The following WDR62 variants were observed in gnomAD, a reference collection of about 807,000 sequenced individuals.
WDR62 encodes the protein WD repeat-containing protein 62.
Under a neutral mutation model 160.6 loss-of-function variants are expected in WDR62, and 112 were observed. The ratio of observed to expected loss-of-function variants is 0.70; its 90% CI spans 0.60 to 0.82. The LOEUF is 0.82. WDR62 is among the 40% of genes least tolerant of loss of function. The pLI, the probability that WDR62 is intolerant of heterozygous loss-of-function variation, is 0.00. For missense variants in WDR62, 1,819 were observed against 1,983.8 expected (o/e 0.92, Z 1.58); for synonymous variants, 792 against 815.1 (o/e 0.97, Z 0.48).
At chr19:36,084,253 C>T (rs1193282980) in intron 11 of WDR62, among the ~76,000 whole-genome samples, 1 of 152,138 alleles carries the variant, frequency 6.6e-6, no homozygotes, top group Non-Finnish European at 1.5e-5. Flanking sequence ...ACTCTTTTAA[C>T]AATGAGAGAC....
At chr19:36,099,024 C>A (rs1973151723) in intron 21 of WDR62, among the ~76,000 whole-genome samples, 1 of 152,026 alleles carries the variant, frequency 6.6e-6, no homozygotes, top group African/African-American at 2.4e-5. Context: ...CAGTTTGAGA[C>A]CAGCCTGGCC....
chr19:36,066,248 C>T lies in WDR62; in HGVS notation c.391-9C>T. ...AGCCCAGCAGCAGTAACGACCCCACCTTCCCTAGAATGGGCATAGGCCTGC... is the reference window on the plus strand; with the variant it reads ...AGCCCAGCAGCAGTAACGACCCCACTTTCCCTAGAATGGGCATAGGCCTGC... On this transcript the variant is annotated splice_polypyrimidine_tract_variant and intron_variant, in intron 4 of 31. Coordinates refer to ENST00000401500, the MANE Select transcript of WDR62 (RefSeq NM_001083961.2). The T allele has an allele frequency of 2.5e-6, 4 of 1,614,112 alleles. No individual in the cohort carries two copies. The highest frequency in any genetic ancestry group is 3.4e-6 in the Non-Finnish European group (4 of 1,180,034).
At chr19:36,082,057 G>T (rs1446403047) in intron 10 of WDR62, 5 of 357,736 alleles carry the variant, frequency 1.4e-5, no homozygotes, top group Non-Finnish European at 2.8e-5. Flanking sequence ...CGTCTCTGGG[G>T]AGCTGAGACC....
Position 36,093,614 on chromosome 19 carries a change from C to CT in WDR62, c.2334-413dup, listed in dbSNP as rs1299307531. ...CTGAGGTGGTGTTAGAGATATCTTG[C>CT]TTTTGAGGCTCCCACTCCACCCCCA... On this transcript the variant is annotated intron_variant, in intron 19 of 31. Transcript: ENST00000401500. Among the ~76,000 whole-genome samples, 11 of 152,240 alleles carry CT rather than the reference C, an allele frequency of 7.2e-5. No individual in the cohort carries two copies. In the East Asian group the frequency reaches 1.9e-3, roughly 27 times the overall value.
intron 3 of WDR62, 143 bp downstream of exon 3, chr19:36,060,173 G>A: frequency 1.2e-6 from 1 of 826,502 alleles, no homozygotes; most frequent in Non-Finnish European, 2.0e-6. Flanking sequence ...CCTGTGCTGG[G>A]TGCTGTTCCG....
At chr19:36,085,272 T>C (rs578246004) in intron 12 of WDR62, among the ~76,000 whole-genome samples, 1 of 151,992 alleles carries the variant, frequency 6.6e-6, no homozygotes, top group East Asian at 1.9e-4. Context: ...CCTGCTGCCA[T>C]GCCTGGCCAA....
intron 7 of WDR62, among the ~76,000 whole-genome samples, chr19:36,069,496 C>T (rs981105829): frequency 6.6e-6 from 1 of 151,836 alleles, no homozygotes; most frequent in Non-Finnish European, 1.5e-5. Context: ...AGGCGCTCCT[C>T]ACTTCCCAGA....
chr19:36,104,564 C>G lies in WDR62; in HGVS notation c.4200C>G (p.Pro1400=). The change falls in exon 31 of 32, where the codon CCC becomes CCG. Residue 1400 remains proline (P), a synonymous_variant. Transcript: ENST00000401500. ...LQGSPARWSE[P]WVPVEALPPS... ...GCAGCCCTGCCCGCTGGAGTGAGCC[C>G]TGGGTGCCGGTTGAAGCCCTGCCCC... The G allele has an allele frequency of 6.2e-7, 1 of 1,613,752 alleles. No homozygotes were observed. The highest frequency in any genetic ancestry group is 1.3e-5 in the African/African-American group (1 of 75,018).
chr19:36,062,638 A>G (rs1338913705), intron 3 of WDR62: 2 of 127,888 alleles, frequency 1.6e-5, no homozygotes, highest in Non-Finnish European at 3.2e-5. Context: ...TGACAGAGCA[A>G]GAGTCCGTCT....
At position 36,054,945 on chromosome 19, in the gene WDR62, T is replaced by C; in HGVS notation, c.-27T>C. On this transcript the variant is annotated 5_prime_UTR_variant, in exon 1 of 32. It removes the in-frame stop codon of an upstream open reading frame in the 5' UTR. Transcript: ENST00000401500. ...TGGCGGCAGCGGCGGTTAGGGGATG[T>C]AACGGTCGCCCGCCTCCGGCGTGAC... 1 of 1,564,142 alleles carries C rather than the reference T, an allele frequency of 6.4e-7. No individual in the cohort carries two copies. Among genetic ancestry groups the C allele is most frequent in the Non-Finnish European group, 8.7e-7 (1 of 1,156,010 alleles).
rs1301404126 is a variant in WDR62 at position 36,104,801 on chromosome 19, C to T, written c.4345C>T (p.Gln1449Ter). ...VSSGQVDTGQQQARTELVSTF... is the reference protein window; with the variant it reads ...VSSGQVDTGQ ...CAGTGGCCAGGTGGACACCGGGCAG[C>T]AGCAGGCACGGACTGAGCTGGTCTC... The change falls in exon 32 of 32, where the codon CAG becomes TAG. Residue 1449 changes from glutamine (Q) to a stop codon, truncating the protein, a stop_gained. Transcript: ENST00000401500. LOFTEE classifies it low-confidence loss of function (END_TRUNC). The T allele has an allele frequency of 2.5e-6, 4 of 1,613,688 alleles. No homozygotes were observed. Among genetic ancestry groups the T allele is most frequent in the Non-Finnish European group, 3.4e-6 (4 of 1,180,024 alleles).
rs981680612 is a variant in WDR62, at chr19:36,066,503, A to G, written c.561+76A>G. 5 of 1,502,442 alleles carry G rather than the reference A, an allele frequency of 3.3e-6. No homozygotes were observed. In the African/African-American group the frequency reaches 4.1e-5, roughly 12 times the overall value. 93.1% of individuals were successfully genotyped at this position (1,502,442 alleles called of 1,614,324 possible). A position where few individuals can be genotyped will look rare whatever the true frequency, so the allele number is the denominator to read the frequency against. On this transcript the variant is annotated intron_variant, in intron 5 of 31. Transcript: ENST00000401500. The stretch of plus-strand genomic sequence containing the variant: ...CTATGTCTTGGGCACAGGGAGAGCT[A>G]CATGAGAGGACGCAGTAAAGTGCTC...
chr19:36,095,568 T>C (rs1599829428), intron 20 of WDR62, among the ~76,000 whole-genome samples: 1 of 152,132 alleles, frequency 6.6e-6, no homozygotes, highest in South Asian at 2.1e-4. Context: ...CCGAGGCGGG[T>C]GGATCACCTG....
chr19:36,104,041 C>T (rs975759184), intron 30 of WDR62, 60 bp downstream of exon 30: 75 of 1,590,226 alleles, frequency 4.7e-5, no homozygotes, highest in Non-Finnish European at 6.0e-5. Context: ...CTAGTTGGCT[C>T]AGCTCCAAAG....
Position 36,068,691 on chromosome 19 carries a change from C to T in WDR62, c.882+681C>T, listed in dbSNP as rs1032953605. Among the ~76,000 whole-genome samples the T allele has an allele frequency of 5.1e-4, 77 of 152,368 alleles. 2 individuals carry two copies. Among genetic ancestry groups the T allele is most frequent in the Middle Eastern group, 3.4e-3 (1 of 294 alleles). On this transcript the variant is annotated intron_variant, in intron 7 of 31. Coordinates refer to ENST00000401500, the MANE Select transcript of WDR62 (RefSeq NM_001083961.2). ...GGTTGGGGGTAAGGTCATAGATCAACAGCATCCCAAGGCAGAAGAATTTTT... is the reference window on the plus strand; with the variant it reads ...GGTTGGGGGTAAGGTCATAGATCAATAGCATCCCAAGGCAGAAGAATTTTT...
At position 36,086,199 on chromosome 19, in the gene WDR62, A is replaced by T. The variant is rs143750311; in HGVS notation, c.1643-488A>T. On this transcript the variant is annotated intron_variant, in intron 12 of 31. Coordinates refer to ENST00000401500, the MANE Select transcript of WDR62 (RefSeq NM_001083961.2). ...TCTCCCCTCTGCCTCAGGTCATGTT[A>T]TTAGGCCTCAGACATAGCAAGTGAC... Among the ~76,000 whole-genome samples the T allele has an allele frequency of 2.0e-4, 30 of 152,146 alleles. 1 individual carries two copies. In the East Asian group the frequency reaches 5.6e-3, roughly 29 times the overall value.
intron 12 of WDR62, among the ~76,000 whole-genome samples, chr19:36,085,602 CCGG>C (rs1972179156): frequency 6.6e-6 from 1 of 151,752 alleles, no homozygotes; most frequent in African/African-American, 2.4e-5. Flanking sequence ...CCCACCACAC[CCGG>C]CTAATTTTTG....
chr19:36,103,517 G>A lies in WDR62; in HGVS notation c.3689G>A (p.Arg1230His), dbSNP rs535411065. The change falls in exon 30 of 32, where the codon CGC becomes CAC. Residue 1230 changes from arginine to histidine, a missense_variant. By Grantham distance (29) the Arg-to-His change is conservative. Coordinates refer to ENST00000401500, the MANE Select transcript of WDR62 (RefSeq NM_001083961.2). ...ATASSRARISRSISLGDSEGP... is the reference protein window; with the variant it reads ...ATASSRARISHSISLGDSEGP... ...GCCAGCTCCCGTGCCAGGATATCAC[G>A]CAGCATCTCCCTCGGTGACAGTGAG... 5 of 1,614,098 alleles carry A rather than the reference G, an allele frequency of 3.1e-6. No individual in the cohort carries two copies. Among genetic ancestry groups the A allele is most frequent in the Admixed American group, 1.7e-5 (1 of 60,026 alleles).
At position 36,101,742 on chromosome 19, in the gene WDR62, C is replaced by T. The variant is rs1458480400; in HGVS notation, c.3050C>T (p.Pro1017Leu). ...HSPAPPPDPAPRFATSLPHFP... is the reference protein window; with the variant it reads ...HSPAPPPDPALRFATSLPHFP... Reference sequence around the variant, plus strand: ...CCAGCTCCGCCTCCTGACCCTGCCCCTCGGTTTGCCACGTCGCTGCCCCAT... The same window carrying T: ...CCAGCTCCGCCTCCTGACCCTGCCCTTCGGTTTGCCACGTCGCTGCCCCAT... The change falls in exon 25 of 32, where the codon CCT (proline) becomes CTT (leucine). Residue 1017 changes from proline to leucine, a missense_variant. By Grantham distance (98) the Pro-to-Leu change is moderately conservative. Transcript: ENST00000401500. 1 of 1,552,010 alleles carries T rather than the reference C, an allele frequency of 6.4e-7. No homozygotes were observed. The highest frequency in any genetic ancestry group is 2.0e-5 in the Admixed American group (1 of 51,132).
Sources: allele counts gnomAD v4.1 joint callset (sites outside exome capture counted in the v4.1 genomes callset), GRCh38; gene constraint gnomAD v4.1.1; transcripts MANE v1.5; gene names NCBI Gene and HGNC (gene_info 2026-07-23, HGNC 2026-07-21).